UBTD2: variants seen among roughly 807,000 people sequenced by gnomAD.
UBTD2 encodes the protein ubiquitin domain containing 2, also known as ubiquitin domain-containing protein 2.
In UBTD2, 9 loss-of-function variants were observed where a neutral mutation model predicts 19.8. The observed-to-expected ratio is 0.46, with a 90% CI of 0.27 to 0.79. The LOEUF (loss-of-function observed/expected upper bound fraction) is 0.79. UBTD2 is among the 30% of genes least tolerant of loss of function. The pLI is 0.14. For synonymous variants in UBTD2, 98 were observed against 103.9 expected, an observed-to-expected ratio of 0.94 and a Z score of 0.35; for missense variants, 250 against 300.4, an observed-to-expected ratio of 0.83 and a Z score of 1.24.
At chr5:172,241,778 G>A (rs1772132952) in intron 1 of UBTD2, among the ~76,000 whole-genome samples, 1 of 152,118 alleles carries the variant, frequency 6.6e-6, no homozygotes, top group African/African-American at 2.4e-5. Flanking sequence ...ACTTTAGGAG[G>A]CCAAGATGCA....
intron 1 of UBTD2, among the ~76,000 whole-genome samples, chr5:172,276,845 G>A (rs757263909): frequency 1.2e-4 from 18 of 151,818 alleles, no homozygotes; most frequent in Non-Finnish European, 2.4e-4. Context: ...CTGAGGCAGG[G>A]GATCACTTGA....
intron 1 of UBTD2, among the ~76,000 whole-genome samples, chr5:172,253,733 C>T (rs1054915341): frequency 5.9e-5 from 9 of 151,780 alleles, no homozygotes; most frequent in Admixed American, 2.0e-4. Flanking sequence ...ATTACAGGCA[C>T]GAGCCACTGT....
chr5:172,267,039 T>TA (rs34544452), intron 1 of UBTD2, among the ~76,000 whole-genome samples: 1,461 of 119,292 alleles, frequency 0.012, 15 homozygotes, highest in East Asian at 0.033. Flanking sequence ...AGCCTCTCTT[T>TA]AAAAAAAAAA....
chr5:172,281,731 C>A (rs1053632403), intron 1 of UBTD2, among the ~76,000 whole-genome samples: 5 of 152,136 alleles, frequency 3.3e-5, no homozygotes, highest in African/African-American at 1.2e-4. Context: ...ATAAAAGCGT[C>A]CATAATCAAA....
At chr5:172,236,038 T>A (rs913838093) in intron 1 of UBTD2, among the ~76,000 whole-genome samples, 1 of 152,204 alleles carries the variant, frequency 6.6e-6, no homozygotes, top group Non-Finnish European at 1.5e-5. Flanking sequence ...CAGGGCCAGA[T>A]GAAATTTGGA....
chr5:172,236,669 T>G (rs541895231), intron 1 of UBTD2, among the ~76,000 whole-genome samples: 6 of 152,224 alleles, frequency 3.9e-5, no homozygotes, highest in Non-Finnish European at 7.3e-5. Context: ...AGTAAGCAGG[T>G]AGACTCAGTA....
chr5:172,228,095 G>A (rs1235630268), intron 2 of UBTD2, among the ~76,000 whole-genome samples: 2 of 152,124 alleles, frequency 1.3e-5, no homozygotes, highest in Admixed American at 1.3e-4. Flanking sequence ...TGCATTTCCT[G>A]TCTATGTCTT....
intron 1 of UBTD2, among the ~76,000 whole-genome samples, chr5:172,243,117 C>T (rs1772164076): frequency 1.4e-5 from 2 of 146,342 alleles, no homozygotes; most frequent in Non-Finnish European, 3.0e-5. Flanking sequence ...TGTCAGCCAC[C>T]ATGACTGGCC....
chr5:172,232,316 TA>T (rs10558751), intron 2 of UBTD2, among the ~76,000 whole-genome samples: 19,118 of 131,864 alleles, frequency 0.14, 1,511 homozygotes, highest in East Asian at 0.37. Flanking sequence ...CTCACTGTCA[TA>T]AAAAAAAAAA....
intron 2 of UBTD2, among the ~76,000 whole-genome samples, chr5:172,213,013 CAG>C (rs1264522385): frequency 1.4e-5 from 2 of 138,832 alleles, no homozygotes; most frequent in African/African-American, 2.7e-5. Context: ...CTTTTTGAGA[CAG>C]AGTCTCACTC....
At chr5:172,217,661 T>A (rs1017377491) in intron 2 of UBTD2, among the ~76,000 whole-genome samples, 2 of 151,916 alleles carry the variant, frequency 1.3e-5, no homozygotes, top group African/African-American at 4.8e-5. Flanking sequence ...AATTTTTGTA[T>A]TTTTTGGTAG....
intron 1 of UBTD2, among the ~76,000 whole-genome samples, chr5:172,250,709 T>C (rs144502880): frequency 2.6e-5 from 4 of 152,138 alleles, no homozygotes; most frequent in African/African-American, 9.6e-5. Context: ...GATAATTATA[T>C]TGTGCTCATG....
intron 2 of UBTD2, among the ~76,000 whole-genome samples, chr5:172,232,053 T>C (rs976617486): frequency 6.6e-6 from 1 of 152,142 alleles, no homozygotes; most frequent in African/African-American, 2.4e-5. Context: ...GGCAGATAGC[T>C]TGAGGCCAGG....
At chr5:172,248,472 CA>C (rs1338459790) in intron 1 of UBTD2, among the ~76,000 whole-genome samples, 1 of 152,062 alleles carries the variant, frequency 6.6e-6, no homozygotes, top group African/African-American at 2.4e-5. Flanking sequence ...CCCGTAGTCC[CA>C]GCTACTCGGG....
chr5:172,255,590 G>C (rs1214373646), intron 1 of UBTD2, among the ~76,000 whole-genome samples: 1 of 152,114 alleles, frequency 6.6e-6, no homozygotes, highest in Admixed American at 6.5e-5. Context: ...CAGGGGACAA[G>C]GACGGGAGCG....
At chr5:172,216,964 TA>T (rs954447605) in intron 2 of UBTD2, among the ~76,000 whole-genome samples, 1 of 151,682 alleles carries the variant, frequency 6.6e-6, no homozygotes, top group Admixed American at 6.6e-5. Flanking sequence ...AGACCTTGCC[TA>T]AAAAAACCAC....
intron 2 of UBTD2, among the ~76,000 whole-genome samples, chr5:172,213,154 G>A (rs781317118): frequency 1.0e-4 from 15 of 149,282 alleles, no homozygotes; most frequent in Admixed American, 2.7e-4. Flanking sequence ...CCACGCCTGG[G>A]TGATTTTTGT....
At chr5:172,254,535 C>T in intron 1 of UBTD2, 1 of 594,024 alleles carries the variant, frequency 1.7e-6, no homozygotes, top group South Asian at 1.9e-5. Context: ...GCATCCTTCC[C>T]ATGTACATTT....
chr5:172,245,746 TA>T (rs1754864778), intron 1 of UBTD2, among the ~76,000 whole-genome samples: 1 of 150,776 alleles, frequency 6.6e-6, no homozygotes, highest in African/African-American at 2.4e-5. Flanking sequence ...AATTCTGATA[TA>T]AACCACCACT....
Sources: gnomAD v4.1 joint callset for allele counts (sites outside exome capture counted in the v4.1 genomes callset) on GRCh38, gnomAD v4.1.1 for gene constraint, MANE v1.5 for transcripts, NCBI Gene and HGNC (gene_info 2026-07-23, HGNC 2026-07-21) for gene names.